Variants in KIF16B observed in about 807,000 individuals in gnomAD.
KIF16B encodes the protein kinesin family member 16B, also known as kinesin-like protein KIF16B.
A neutral mutation model predicts 156.3 loss-of-function variants in KIF16B; 98 were observed. That is an observed-to-expected ratio of 0.63 (90% CI 0.53 to 0.74). KIF16B has a LOEUF of 0.74. Ranked by LOEUF, KIF16B falls within the 30% of genes least tolerant of loss-of-function variation. The pLI is 0.00. For missense variants in KIF16B, 1,421 were observed against 1,606.5 expected, an observed-to-expected ratio of 0.88 and a Z score of 1.97; for synonymous variants, 564 against 583.7, an observed-to-expected ratio of 0.97 and a Z score of 0.49.
rs933070628 is a variant in KIF16B, at chr20:16,367,044, A to G, written c.3498+3542T>C. 1.2e-5 allele frequency: 17 copies of G among 1,383,982 alleles called. No homozygotes were observed. The East Asian group carries it at 1.3e-4, about 10-fold the overall frequency. 85.7% of individuals were successfully genotyped at this position (1,383,982 alleles called of 1,614,324 possible). Reference sequence around the variant, plus strand: ...TCTGCATTTTTCCAGTTCCAATTCAATTAGCTACACGGAGATATTCATATT... The same window carrying G: ...TCTGCATTTTTCCAGTTCCAATTCAGTTAGCTACACGGAGATATTCATATT... On this transcript the variant is annotated intron_variant, in intron 22 of 25. Coordinates refer to ENST00000354981, the MANE Select transcript of KIF16B (RefSeq NM_024704.5).
At chr20:16,449,152 T>C (rs1478286357) in intron 12 of KIF16B, among the ~76,000 whole-genome samples, 1 of 151,380 alleles carries the variant, frequency 6.6e-6, no homozygotes, top group Non-Finnish European at 1.5e-5. Flanking sequence ...AGCGAAAGAA[T>C]AAATGAGGGA....
At chr20:16,401,085 G>GGGAA (rs2065644574) in intron 17 of KIF16B, among the ~76,000 whole-genome samples, 1 of 151,686 alleles carries the variant, frequency 6.6e-6, no homozygotes, top group East Asian at 1.9e-4. Context: ...GGGAACCAGA[G>GGGAA]AGAAAGTATG....
chr20:16,494,233 A>T (rs1417670489), intron 12 of KIF16B, 58 bp downstream of exon 12: 10 of 1,057,732 alleles, frequency 9.5e-6, no homozygotes, highest in Admixed American at 2.5e-5. Flanking sequence ...AAAAAAAAAA[A>T]AAGTTTTACC....
At chr20:16,338,229 C>G (rs2064076609) in intron 23 of KIF16B, among the ~76,000 whole-genome samples, 1 of 152,168 alleles carries the variant, frequency 6.6e-6, no homozygotes, top group Non-Finnish European at 1.5e-5. Flanking sequence ...TGTCTTCTCC[C>G]CCCACACTCT....
At position 16,528,425 on chromosome 20, in the gene KIF16B, C is replaced by A. The variant is rs1444140470; in HGVS notation, c.63G>T (p.Glu21Asp). 1 of 1,611,546 alleles carries A rather than the reference C, an allele frequency of 6.2e-7. No homozygotes were observed. Among genetic ancestry groups the A allele is most frequent in the Non-Finnish European group, 8.5e-7 (1 of 1,177,670 alleles). Residue 21 changes from glutamate to aspartate, a missense_variant, in exon 2 of 26, where the codon GAG becomes GAT. Glu to Asp is a conservative substitution (Grantham distance 45, BLOSUM62 2). Transcript: ENST00000354981. The part of the protein sequence containing the change: ...RPMNRREKDL[E>D]AKFIIQMEKS... The stretch of plus-strand genomic sequence containing the variant: ...TCTCCATCTGAATAATGAACTTGGC[C>A]TCCAAGTCCTTTTCCCTGCAATACA...
intron 25 of KIF16B, among the ~76,000 whole-genome samples, chr20:16,298,658 A>C (rs953596416): frequency 6.6e-6 from 1 of 152,128 alleles, no homozygotes; most frequent in Non-Finnish European, 1.5e-5. Flanking sequence ...GACAGCAAAG[A>C]CCCTAAAAGA....
At chr20:16,473,942 A>G (rs1354908910) in intron 12 of KIF16B, among the ~76,000 whole-genome samples, 1 of 152,206 alleles carries the variant, frequency 6.6e-6, no homozygotes, top group Non-Finnish European at 1.5e-5. Context: ...AAGAACTTTA[A>G]TGGGGAAATT....
At chr20:16,459,366 AT>A in intron 12 of KIF16B, among the ~76,000 whole-genome samples, 1 of 152,266 alleles carries the variant, frequency 6.6e-6, no homozygotes, top group Admixed American at 6.5e-5. Flanking sequence ...CCACAAAAGA[AT>A]TTTCCCAAAA....
Position 16,514,582 on chromosome 20 carries a change from G to GAAAAAAAAA in KIF16B, c.348+957_348+965dup, listed in dbSNP as rs540602451. On this transcript the variant is annotated intron_variant, in intron 4 of 25. Coordinates refer to ENST00000354981, the MANE Select transcript of KIF16B (RefSeq NM_024704.5). Reference sequence around the variant, plus strand: ...GAACAGAGCTCTCACTAAGAAATAAGAAAAAAAAAAAAAAAAAAAAAAAAC... The same window carrying GAAAAAAAAA: ...GAACAGAGCTCTCACTAAGAAATAAGAAAAAAAAAAAAAAAAAAAAAAAAAAAAAAAAAC... Among the ~76,000 whole-genome samples the GAAAAAAAAA allele has an allele frequency of 4.8e-4, 37 of 76,946 alleles. 1 individual carries two copies. The highest frequency in any genetic ancestry group is 1.6e-3 in the African/African-American group (28 of 17,720). The allele number at this position is 76,946 out of a possible 152,430, so 50.5% of individuals were successfully genotyped here.
chr20:16,522,145 A>C (rs1328280099), intron 3 of KIF16B, among the ~76,000 whole-genome samples: 1 of 152,218 alleles, frequency 6.6e-6, no homozygotes, highest in Admixed American at 6.5e-5. Context: ...TAGCATCATG[A>C]TGACAGGATC....
intron 1 of KIF16B, among the ~76,000 whole-genome samples, chr20:16,551,988 G>A (rs1448860090): frequency 1.3e-5 from 2 of 152,246 alleles, no homozygotes; most frequent in African/African-American, 4.8e-5. Context: ...CCCACTGTCT[G>A]AGGCCAAGAG....
chr20:16,292,984 CAGAGAT>C (rs2063334233), intron 25 of KIF16B, among the ~76,000 whole-genome samples: 1 of 152,058 alleles, frequency 6.6e-6, no homozygotes, highest in Non-Finnish European at 1.5e-5. Flanking sequence ...GTTTGATTGA[CAGAGAT>C]AGACGAGACA....
At chr20:16,549,266 C>A (rs886890449) in intron 1 of KIF16B, among the ~76,000 whole-genome samples, 1 of 150,656 alleles carries the variant, frequency 6.6e-6, no homozygotes, top group African/African-American at 2.4e-5. Flanking sequence ...GTTCAATTCC[C>A]ACCTATGAGT....
At chr20:16,505,494 T>C (rs1407199918) in intron 9 of KIF16B, among the ~76,000 whole-genome samples, 1 of 152,272 alleles carries the variant, frequency 6.6e-6, no homozygotes, top group Non-Finnish European at 1.5e-5. Context: ...TCTTCGTGCA[T>C]GTTATCACAG....
At chr20:16,350,396 A>T (rs1252268842) in intron 23 of KIF16B, among the ~76,000 whole-genome samples, 1 of 152,060 alleles carries the variant, frequency 6.6e-6, no homozygotes, top group Non-Finnish European at 1.5e-5. Context: ...CAATGTCCAG[A>T]GGGTGGGCAG....
At chr20:16,453,248 C>T (rs2067132187) in intron 12 of KIF16B, among the ~76,000 whole-genome samples, 1 of 152,024 alleles carries the variant, frequency 6.6e-6, no homozygotes, top group Non-Finnish European at 1.5e-5. Context: ...CCAGCCTGAG[C>T]AGCAGTGAGA....
chr20:16,510,632 G>A (rs1162237762), intron 6 of KIF16B, among the ~76,000 whole-genome samples: 1 of 152,150 alleles, frequency 6.6e-6, no homozygotes, highest in Non-Finnish European at 1.5e-5. Flanking sequence ...CTGGGCGACA[G>A]AGCAAGACTC....
intron 1 of KIF16B, among the ~76,000 whole-genome samples, chr20:16,568,769 G>A (rs1260932367): frequency 4.8e-5 from 6 of 125,278 alleles, no homozygotes; most frequent in African/African-American, 1.6e-4. Flanking sequence ...AGTGAGCCAC[G>A]ACTCTGCGCC....
intron 1 of KIF16B, among the ~76,000 whole-genome samples, chr20:16,564,394 T>C (rs2071175330): frequency 6.6e-6 from 1 of 152,080 alleles, no homozygotes; most frequent in African/African-American, 2.4e-5. Flanking sequence ...GCAATAAACA[T>C]ACGTGTGCAT....
Sources: gnomAD v4.1 joint callset for allele counts (sites outside exome capture counted in the v4.1 genomes callset) on GRCh38, gnomAD v4.1.1 for gene constraint, MANE v1.5 for transcripts, NCBI Gene and HGNC (gene_info 2026-07-23, HGNC 2026-07-21) for gene names.